CACNB4: variants seen among roughly 807,000 people sequenced by gnomAD.
CACNB4 encodes the protein voltage-dependent L-type calcium channel subunit beta-4.
Under a neutral mutation model 71.2 loss-of-function variants are expected in CACNB4, and 32 were observed. The observed-to-expected ratio is 0.45, with a 90% CI of 0.34 to 0.60. The LOEUF (loss-of-function observed/expected upper bound fraction) is 0.60, where lower values mean the gene tolerates loss of function less well. CACNB4 is among the 20% of genes least tolerant of loss of function. The pLI is 0.01. For synonymous variants in CACNB4, 231 were observed against 236.9 expected (o/e 0.97, Z 0.23); for missense variants, 464 against 647.9 (o/e 0.72, Z 3.08).
At chr2:152,004,105 C>A (rs1231687150) in intron 2 of CACNB4, among the ~76,000 whole-genome samples, 4 of 152,180 alleles carry the variant, frequency 2.6e-5, no homozygotes, top group African/African-American at 9.7e-5. Flanking sequence ...TAGGCATGAG[C>A]CACCGTGCCT....
intron 2 of CACNB4, among the ~76,000 whole-genome samples, chr2:152,009,831 A>T (rs1682958681): frequency 6.6e-6 from 1 of 152,152 alleles, no homozygotes; most frequent in Admixed American, 6.5e-5. Context: ...TCTGCTTTCT[A>T]ACTGGCTCCT....
At chr2:152,077,845 C>T (rs76947858) in intron 2 of CACNB4, among the ~76,000 whole-genome samples, 7,160 of 152,158 alleles carry the variant, frequency 0.047, 201 homozygotes, top group Non-Finnish European at 0.064. Context: ...GCCTTGGAGG[C>T]CACAATAATG....
chr2:151,834,197 T>G lies in CACNB4; in HGVS notation c.*4922A>C, dbSNP rs1260176285. ...GAGGCCAGCCACTTCTGGTTCTTAG[T>G]TCCCCTTGTAACTCCTTATAATTTT... On this transcript the variant is annotated 3_prime_UTR_variant, in exon 14 of 14. Coordinates refer to ENST00000539935, the MANE Select transcript of CACNB4 (RefSeq NM_000726.5). 2.0e-5 allele frequency: 3 copies of G among 152,030 alleles called. No homozygotes were observed. The highest frequency in any genetic ancestry group is 7.2e-5 in the African/African-American group (3 of 41,438). The allele number at this position is 152,030 out of a possible 1,614,324, so 9.4% of individuals were successfully genotyped here. A position where few individuals can be genotyped will look rare whatever the true frequency, so the allele number is the denominator to read the frequency against.
chr2:151,863,794 G>A (rs141127511), intron 9 of CACNB4, among the ~76,000 whole-genome samples: 60 of 152,138 alleles, frequency 3.9e-4, no homozygotes, highest in African/African-American at 1.3e-3. Context: ...TAAAGGGCAC[G>A]TTTTCTCATT....
At chr2:152,050,769 T>G (rs1481577614) in intron 2 of CACNB4, among the ~76,000 whole-genome samples, 1 of 151,546 alleles carries the variant, frequency 6.6e-6, no homozygotes, top group Non-Finnish European at 1.5e-5. Context: ...TTTTTCTGCT[T>G]GTTTGTTTGT....
In CACNB4 at chr2:152,098,596, G is replaced by T. The variant is rs761904108; in HGVS notation, c.64-183C>A. 6.7e-6 allele frequency: 4 copies of T among 599,204 alleles called. No homozygotes were observed. The East Asian group carries it at 1.3e-4, about 20-fold the overall frequency. 37.1% of individuals were successfully genotyped at this position (599,204 alleles called of 1,614,324 possible). ...CCCCCACCCACCCACTGCAAGCCTC[G>T]ACTGCTGAAAAGATGCTCGAGAAGA... On this transcript the variant is annotated intron_variant, in intron 1 of 13. Coordinates refer to ENST00000539935, the MANE Select transcript of CACNB4 (RefSeq NM_000726.5). This position sits in a 1 kb window ranked among gnomAD's most constrained non-coding sequence, Gnocchi z 5.3.
intron 2 of CACNB4, among the ~76,000 whole-genome samples, chr2:151,995,804 T>C (rs1183236799): frequency 1.3e-5 from 2 of 152,262 alleles, no homozygotes; most frequent in Admixed American, 1.3e-4. Context: ...GGAAACTACC[T>C]ACCAGTACCT....
At chr2:151,857,544 T>C (rs915513556) in intron 10 of CACNB4, 1 of 152,228 alleles carries the variant, frequency 6.6e-6, no homozygotes, top group Admixed American at 6.5e-5. Flanking sequence ...GAAAATAAAG[T>C]CAATTTTTAC....
chr2:152,081,610 G>A (rs939755407), intron 2 of CACNB4, among the ~76,000 whole-genome samples: 3 of 152,082 alleles, frequency 2.0e-5, no homozygotes, highest in Non-Finnish European at 2.9e-5. Flanking sequence ...GAGAGCTCTG[G>A]TCCCCCTTCT....
chr2:151,890,081 A>G (rs940925911), intron 2 of CACNB4, among the ~76,000 whole-genome samples: 3 of 152,126 alleles, frequency 2.0e-5, no homozygotes, highest in African/African-American at 4.8e-5. Context: ...AGAGCGCTTG[A>G]TAAGTATACA....
rs376259091 is a variant in CACNB4 at position 152,071,690 on chromosome 2, G to A, written c.147+26640C>T. On this transcript the variant is annotated intron_variant, in intron 2 of 13. Coordinates refer to ENST00000539935, the MANE Select transcript of CACNB4 (RefSeq NM_000726.5). ...ATAGCAATTGGGCCTATAGTAACCCGAAAACAAAATTAGAATTATGCAATG... is the reference window on the plus strand; with the variant it reads ...ATAGCAATTGGGCCTATAGTAACCCAAAAACAAAATTAGAATTATGCAATG... Among the ~76,000 whole-genome samples, 33 of 152,274 alleles carry A rather than the reference G, an allele frequency of 2.2e-4. 1 individual carries two copies. The East Asian group carries it at 3.9e-3, about 18-fold the overall frequency.
intron 2 of CACNB4, among the ~76,000 whole-genome samples, chr2:151,920,381 G>A (rs1432313146): frequency 7.4e-6 from 1 of 135,364 alleles, no homozygotes; most frequent in African/African-American, 2.8e-5. Context: ...GAGGTACAGT[G>A]GCACAATGTT....
intron 2 of CACNB4, among the ~76,000 whole-genome samples, chr2:152,038,061 C>T (rs891737229): frequency 6.6e-6 from 1 of 152,328 alleles, no homozygotes; most frequent in East Asian, 1.9e-4. Context: ...TCAGAGGGCC[C>T]CCAAAGAAAT....
At chr2:151,932,069 T>C (rs1468696389) in intron 2 of CACNB4, among the ~76,000 whole-genome samples, 2 of 152,140 alleles carry the variant, frequency 1.3e-5, no homozygotes, top group Non-Finnish European at 2.9e-5. Flanking sequence ...ATGTTGACTT[T>C]AATATTGGAG....
At chr2:152,054,634 C>A (rs1160023156) in intron 2 of CACNB4, among the ~76,000 whole-genome samples, 1 of 152,106 alleles carries the variant, frequency 6.6e-6, no homozygotes, top group African/African-American at 2.4e-5. Flanking sequence ...CTATACTTAA[C>A]CTTTTCAGAA....
At chr2:152,057,093 T>C (rs1050181314) in intron 2 of CACNB4, among the ~76,000 whole-genome samples, 8 of 152,208 alleles carry the variant, frequency 5.3e-5, no homozygotes, top group African/African-American at 1.7e-4. Flanking sequence ...GATTGTCATC[T>C]TGTTATTAAT....
intron 2 of CACNB4, among the ~76,000 whole-genome samples, chr2:151,904,167 C>G (rs762229885): frequency 2.6e-5 from 4 of 152,212 alleles, no homozygotes; most frequent in Non-Finnish European, 4.4e-5. Context: ...CTGAATCCAT[C>G]CATTCATGAT....
chr2:151,975,833 T>C (rs1439158412), intron 2 of CACNB4, among the ~76,000 whole-genome samples: 2 of 152,258 alleles, frequency 1.3e-5, no homozygotes, highest in Non-Finnish European at 2.9e-5. Context: ...TTCCCGACTT[T>C]ACCACTTCAA....
chr2:151,847,099 C>CAAAAAAAAAAAAAAA (rs397766580), intron 12 of CACNB4, among the ~76,000 whole-genome samples: 1 of 79,772 alleles, frequency 1.3e-5, no homozygotes, highest in Non-Finnish European at 2.6e-5. Context: ...AAACTGACAC[C>CAAAAAAAAAAAAAAA]AAAAAAAAAA....
Sources: gnomAD v4.1 joint callset for allele counts (sites outside exome capture counted in the v4.1 genomes callset) on GRCh38, gnomAD v4.1.1 for gene constraint, Gnocchi (gnomAD v3.1) non-coding constraint, MANE v1.5 for transcripts, NCBI Gene and HGNC (gene_info 2026-07-23, HGNC 2026-07-21) for gene names.